The following ITPR1 variants were observed in gnomAD, a reference collection of about 807,000 sequenced individuals.
ITPR1 encodes inositol 1,4,5-trisphosphate-gated calcium channel ITPR1.
A neutral mutation model predicts 318.4 loss-of-function variants in ITPR1; 96 were observed. That is an observed-to-expected ratio of 0.30 (90% confidence interval 0.26 to 0.36). ITPR1 has a LOEUF of 0.36. Ranked by LOEUF, ITPR1 falls within the 10% of genes least tolerant of loss-of-function variation. ITPR1 has a pLI of 1.00. For missense variants in ITPR1, 2,440 were observed against 3,460.2 expected (o/e 0.71, Z 7.40); for synonymous variants, 1,312 against 1,289.9 (o/e 1.02, Z -0.37).
intron 4 of ITPR1, among the ~76,000 whole-genome samples, chr3:4,556,964 C>G (rs182226319): frequency 6.6e-6 from 1 of 152,134 alleles, no homozygotes; most frequent in Non-Finnish European, 1.5e-5. Context: ...TGCAGTCTCT[C>G]ATTTAGTCCT....
At chr3:4,611,330 C>A (rs1057382948) in intron 4 of ITPR1, among the ~76,000 whole-genome samples, 2 of 150,680 alleles carry the variant, frequency 1.3e-5, no homozygotes, top group Admixed American at 1.3e-4. Context: ...GAGGCCAAGG[C>A]GCGTGGATTA....
intron 3 of ITPR1, 54 bp from the exon 4 acceptor site, chr3:4,520,970 C>G (rs2082518988): frequency 7.5e-7 from 1 of 1,337,886 alleles, no homozygotes; most frequent in Non-Finnish European, 1.1e-6. Context: ...TTGCATAGTG[C>G]TAAGAGTTTC....
chr3:4,686,523 G>A (rs990714848), intron 30 of ITPR1, among the ~76,000 whole-genome samples: 2 of 152,182 alleles, frequency 1.3e-5, no homozygotes, highest in African/African-American at 2.4e-5. Context: ...AATATCATCA[G>A]TTTCCCTAAT....
At chr3:4,794,107 T>C (rs1322403798) in intron 52 of ITPR1, among the ~76,000 whole-genome samples, 3 of 152,228 alleles carry the variant, frequency 2.0e-5, no homozygotes, top group African/African-American at 4.8e-5. Flanking sequence ...GGAATGAGAC[T>C]GTCTTTTGGA....
chr3:4,752,083 T>C (rs1483559007), intron 44 of ITPR1, among the ~76,000 whole-genome samples: 1 of 152,218 alleles, frequency 6.6e-6, no homozygotes, highest in Non-Finnish European at 1.5e-5. Context: ...AAGGGGATAG[T>C]CCTGTAAACC....
At chr3:4,712,497 A>G (rs2041454598) in intron 39 of ITPR1, among the ~76,000 whole-genome samples, 1 of 152,228 alleles carries the variant, frequency 6.6e-6, no homozygotes, top group South Asian at 2.1e-4. Flanking sequence ...GCAACAAATG[A>G]TGGGCGTGAA....
At chr3:4,586,725 A>AT (rs11328041) in intron 4 of ITPR1, among the ~76,000 whole-genome samples, 3,378 of 138,554 alleles carry the variant, frequency 0.024, 99 homozygotes, top group African/African-American at 0.061. Context: ...CCCAGGCTGG[A>AT]TTTTTTTTTT....
chr3:4,602,271 G>A (rs144860209), intron 4 of ITPR1, among the ~76,000 whole-genome samples: 2 of 152,256 alleles, frequency 1.3e-5, no homozygotes, highest in African/African-American at 4.8e-5. Flanking sequence ...TACAATTTCA[G>A]CACTTTGGGA....
chr3:4,684,409 G>A, intron 29 of ITPR1, 63 bp downstream of exon 29: 3 of 1,204,174 alleles, frequency 2.5e-6, no homozygotes, highest in Middle Eastern at 1.9e-4. Flanking sequence ...GCTTTAGTTT[G>A]TGATAGTCAA....
intron 38 of ITPR1, among the ~76,000 whole-genome samples, chr3:4,711,338 A>G (rs1343789711): frequency 6.6e-6 from 1 of 151,988 alleles, no homozygotes; most frequent in African/African-American, 2.4e-5. Flanking sequence ...CTTGTGCATA[A>G]GGGAACTGTG....
chr3:4,817,683 T>C (rs1007059036), intron 59 of ITPR1: 2 of 156,322 alleles, frequency 1.3e-5, no homozygotes, highest in African/African-American at 4.8e-5. Flanking sequence ...CCTTAACATG[T>C]CTGCATTTTG....
At chr3:4,599,991 G>A (rs898444071) in intron 4 of ITPR1, among the ~76,000 whole-genome samples, 1 of 152,106 alleles carries the variant, frequency 6.6e-6, no homozygotes, top group African/African-American at 2.4e-5. Context: ...TCCTACACTG[G>A]TACATGCCCC....
intron 13 of ITPR1, 28 bp from the exon 14 acceptor site, chr3:4,660,960 C>T: frequency 1.6e-6 from 2 of 1,224,818 alleles, no homozygotes; most frequent in Non-Finnish European, 2.4e-6. Flanking sequence ...TATTTATTTC[C>T]CTAAAACCCT....
chr3:4,574,470 T>A (rs1301342406), intron 4 of ITPR1, among the ~76,000 whole-genome samples: 1 of 152,178 alleles, frequency 6.6e-6, no homozygotes, highest in Non-Finnish European at 1.5e-5. Context: ...TATAATAGAA[T>A]CTCCTCTTAC....
chr3:4,825,693 A>ATACC, intron 60 of ITPR1: 1 of 456,146 alleles, frequency 2.2e-6, no homozygotes, highest in South Asian at 1.6e-5. Context: ...TGGAAACTTA[A>ATACC]TACCTGCGTG....
intron 2 of ITPR1, among the ~76,000 whole-genome samples, chr3:4,511,762 C>T (rs1157650423): frequency 6.6e-6 from 1 of 152,150 alleles, no homozygotes; most frequent in African/African-American, 2.4e-5. Context: ...GACTCTGGAG[C>T]CTCAGCTCCT....
intron 24 of ITPR1, among the ~76,000 whole-genome samples, chr3:4,677,689 G>A (rs2094212313): frequency 6.6e-6 from 1 of 152,198 alleles, no homozygotes; most frequent in East Asian, 1.9e-4. Context: ...TGGGCAGAGA[G>A]CGATTGTTGG....
intron 53 of ITPR1, 102 bp downstream of exon 53, chr3:4,795,289 A>G: frequency 1.0e-6 from 1 of 985,178 alleles, no homozygotes; most frequent in South Asian, 2.6e-5. Flanking sequence ...AGTACTGGGG[A>G]TCCCAGTTAT....
intron 61 of ITPR1, among the ~76,000 whole-genome samples, chr3:4,844,107 G>A (rs1216886328): frequency 6.8e-6 from 1 of 147,240 alleles, no homozygotes; most frequent in Non-Finnish European, 1.5e-5. Flanking sequence ...CTTCAATAAG[G>A]GTTGAGCAGA....
Sources: allele counts gnomAD v4.1 joint callset (sites outside exome capture counted in the v4.1 genomes callset), GRCh38; gene constraint gnomAD v4.1.1; transcripts MANE v1.5; gene names NCBI Gene and HGNC (gene_info 2026-07-23, HGNC 2026-07-21).